WSCD1: variants seen among roughly 807,000 people sequenced by gnomAD.
WSCD1 encodes sialate:O-sulfotransferase 1.
In WSCD1, 41 loss-of-function variants were observed where a neutral mutation model predicts 60.4. That is an observed-to-expected ratio of 0.68 (90% CI 0.53 to 0.88). The LOEUF (loss-of-function observed/expected upper bound fraction) is 0.88. Ranked by LOEUF, WSCD1 falls within the 40% of genes least tolerant of loss-of-function variation. The pLI, the probability that WSCD1 is intolerant of heterozygous loss-of-function variation, is 0.00. For missense variants in WSCD1, 784 were observed against 796.2 expected (o/e 0.98, Z 0.18); for synonymous variants, 361 against 332.5 (o/e 1.09, Z -0.93).
chr17:6,120,285 G>A, intron 8 of WSCD1, 24 bp from the exon 9 acceptor site: 1 of 1,601,580 alleles, frequency 6.2e-7, no homozygotes, highest in Non-Finnish European at 8.5e-7. Context: ...CCCCGACTCT[G>A]CATCTCTCCT....
rs1597373672 is a variant in WSCD1 at position 6,120,787 on chromosome 17, T to C, written c.*126T>C. The C allele has an allele frequency of 2.1e-6, 2 of 966,442 alleles. No homozygotes were observed. Among genetic ancestry groups the C allele is most frequent in the Non-Finnish European group, 3.0e-6 (2 of 665,370 alleles). 59.9% of individuals were successfully genotyped at this position (966,442 alleles called of 1,614,324 possible). A position where few individuals can be genotyped will look rare whatever the true frequency, so the allele number is the denominator to read the frequency against. ...ACGGTGGGTGGGGGGCTCACCCTGG[T>C]GCTGCCTCCCGCACAAGGAGACCTG... On this transcript the variant is annotated 3_prime_UTR_variant, in exon 9 of 9. Coordinates refer to ENST00000317744, the MANE Select transcript of WSCD1 (RefSeq NM_015253.2).
intron 5 of WSCD1, among the ~76,000 whole-genome samples, chr17:6,099,520 C>CA (rs60352442): frequency 4.0e-4 from 57 of 143,702 alleles, no homozygotes; most frequent in African/African-American, 7.6e-4. Context: ...GTCTCAAAAA[C>CA]AAAAAAAAAA....
intron 5 of WSCD1, among the ~76,000 whole-genome samples, chr17:6,108,237 C>CA (rs1344332611): frequency 6.6e-6 from 1 of 152,104 alleles, no homozygotes; most frequent in African/African-American, 2.4e-5. Context: ...TAGCCATGCT[C>CA]AAAAAATGCT....
chr17:6,070,334 C>A, upstream of WSCD1: 1 of 147,728 alleles, frequency 6.8e-6, no homozygotes, highest in South Asian at 2.0e-4. Context: ...CTCTAGGACC[C>A]GGCGGCGGCC....
At chr17:6,099,341 A>G (rs888396733) in intron 5 of WSCD1, among the ~76,000 whole-genome samples, 7 of 151,778 alleles carry the variant, frequency 4.6e-5, no homozygotes, top group African/African-American at 1.7e-4. Context: ...ATGGTGAAAC[A>G]CTGTCTCTAC....
intron 4 of WSCD1, among the ~76,000 whole-genome samples, chr17:6,094,813 A>T (rs1005836493): frequency 6.6e-6 from 1 of 151,894 alleles, no homozygotes; most frequent in African/African-American, 2.4e-5. Flanking sequence ...GGAGGAAGGG[A>T]GGAAGGAATG....
chr17:6,099,530 A>G (rs550639431), intron 5 of WSCD1, among the ~76,000 whole-genome samples: 82 of 152,078 alleles, frequency 5.4e-4, no homozygotes, highest in African/African-American at 1.9e-3. Flanking sequence ...CAAAAAAAAA[A>G]AGAGAGCAAC....
rs1293870301 is a variant in WSCD1, at chr17:6,118,955, A to G, written c.1375+767A>G. Among the ~76,000 whole-genome samples the G allele has an allele frequency of 6.6e-6, 1 of 152,184 alleles. No homozygotes were observed. The highest frequency in any genetic ancestry group is 1.5e-5 in the Non-Finnish European group (1 of 68,040). ...AGTCTTAGAGGCTGGGAAGTCCAAGATCAAAGTGCTGGCTAATTCCATTCC... is the reference window on the plus strand; with the variant it reads ...AGTCTTAGAGGCTGGGAAGTCCAAGGTCAAAGTGCTGGCTAATTCCATTCC... On this transcript the variant is annotated intron_variant, in intron 8 of 8. Coordinates refer to ENST00000317744, the MANE Select transcript of WSCD1 (RefSeq NM_015253.2). This position sits in a 1 kb window ranked among gnomAD's most constrained non-coding sequence, Gnocchi z 5.8.
chr17:6,109,810 G>T (rs1234543141), intron 6 of WSCD1, 44 bp downstream of exon 6: 4 of 1,590,530 alleles, frequency 2.5e-6, no homozygotes, highest in Middle Eastern at 3.5e-4. Flanking sequence ...TGGTCTGGGG[G>T]GTGGGGAGAG....
chr17:6,080,493 C>A lies in WSCD1; in HGVS notation c.-166C>A. The A allele has an allele frequency of 3.0e-6, 2 of 667,258 alleles. No homozygotes were observed. Among genetic ancestry groups the A allele is most frequent in the Non-Finnish European group, 5.1e-6 (2 of 394,906 alleles). The allele number at this position is 667,258 out of a possible 1,614,324, so 41.3% of individuals were successfully genotyped here. ...GAGATAAGTAATGGTGCCATTTGAA[C>A]ACCTACTGGAAACGGGGCAGGAACA... On this transcript the variant is annotated 5_prime_UTR_variant, in exon 2 of 9. Coordinates refer to ENST00000317744, the MANE Select transcript of WSCD1 (RefSeq NM_015253.2). This position sits in a 1 kb window ranked among gnomAD's most constrained non-coding sequence, Gnocchi z 6.6.
At chr17:6,097,751 T>C (rs1910537086) in intron 5 of WSCD1, among the ~76,000 whole-genome samples, 1 of 152,208 alleles carries the variant, frequency 6.6e-6, no homozygotes, top group Admixed American at 6.5e-5. Flanking sequence ...TTTATCATTT[T>C]GGTAAACTTT....
At chr17:6,071,128 C>T (rs926002591) in intron 1 of WSCD1, 1 of 152,354 alleles carries the variant, frequency 6.6e-6, no homozygotes, top group Non-Finnish European at 1.5e-5. Flanking sequence ...GGGTTTGCTC[C>T]GTCTCTTGGT....
At chr17:6,099,749 C>T (rs1214633597) in intron 5 of WSCD1, among the ~76,000 whole-genome samples, 15 of 151,964 alleles carry the variant, frequency 9.9e-5, no homozygotes, top group South Asian at 8.3e-4. Context: ...CCTTATGGAA[C>T]GCAGACACCG....
At chr17:6,078,241 T>C (rs4239262) in intron 1 of WSCD1, among the ~76,000 whole-genome samples, 122,574 of 152,242 alleles carry the variant, frequency 0.81, 49,827 homozygotes, top group Non-Finnish European at 0.87. Context: ...GGGCTGGGGT[T>C]AGGAAAATGA....
chr17:6,095,334 G>A (rs1295852358), intron 5 of WSCD1, 111 bp downstream of exon 5: 2 of 1,382,092 alleles, frequency 1.4e-6, no homozygotes, highest in Non-Finnish European at 1.9e-6. Context: ...AGTCCAGATG[G>A]GAGCAGAGGA....
intron 2 of WSCD1, among the ~76,000 whole-genome samples, chr17:6,081,369 A>AT (rs527253157): frequency 9.5e-5 from 14 of 148,138 alleles, no homozygotes; most frequent in South Asian, 4.3e-4. Context: ...CTGGCCAACA[A>AT]TTTTTTTTTT....
At chr17:6,119,864 C>T (rs779999184) in intron 8 of WSCD1, among the ~76,000 whole-genome samples, 18 of 152,140 alleles carry the variant, frequency 1.2e-4, no homozygotes, top group Non-Finnish European at 2.6e-4. Flanking sequence ...CTGCACACCC[C>T]TCCCCCAAAA....
Position 6,080,933 on chromosome 17 carries a change from T to A in WSCD1, c.275T>A (p.Leu92Gln). 6.3e-7 allele frequency: 1 copy of A among 1,581,630 alleles called. No homozygotes were observed. The highest frequency in any genetic ancestry group is 8.6e-7 in the Non-Finnish European group (1 of 1,168,628). Residue 92 changes from leucine (L) to glutamine (Q), a missense_variant, in exon 2 of 9, where the codon CTG becomes CAG. Coordinates refer to ENST00000317744, the MANE Select transcript of WSCD1 (RefSeq NM_015253.2). The surrounding 1 kb of genome is among the most constrained non-coding windows in gnomAD (Gnocchi z 6.6). ...GGTGTGGACATGCTGCAGAGCCCCC[T>A]GACCCGGCCCCGGCCCGGCCCCCGC... Reference protein sequence around the residue: ...LLGVDMLQSPLTRPRPGPRWL... With the variant: ...LLGVDMLQSPQTRPRPGPRWL...
At chr17:6,079,902 G>A (rs1567549366) in intron 1 of WSCD1, among the ~76,000 whole-genome samples, 1 of 152,150 alleles carries the variant, frequency 6.6e-6, no homozygotes, top group Non-Finnish European at 1.5e-5. Flanking sequence ...TGTGTGGCTT[G>A]GGAAAAACTA....
Sources: allele counts gnomAD v4.1 joint callset (sites outside exome capture counted in the v4.1 genomes callset), GRCh38; gene constraint gnomAD v4.1.1; non-coding constraint Gnocchi (gnomAD v3.1); transcripts MANE v1.5; gene names NCBI Gene and HGNC (gene_info 2026-07-23, HGNC 2026-07-21).